HSD17B3: variants seen among roughly 807,000 people sequenced by gnomAD.
HSD17B3 encodes the protein 17-beta-hydroxysteroid dehydrogenase type 3.
A neutral mutation model predicts 41.1 loss-of-function variants in HSD17B3; 29 were observed. That is an observed-to-expected ratio of 0.71 (90% confidence interval 0.53 to 0.96). HSD17B3 has a LOEUF of 0.96. HSD17B3 is among the 40% of genes least tolerant of loss of function. HSD17B3 has a pLI of 0.00. For missense variants in HSD17B3, 323 were observed against 374.6 expected (o/e 0.86, Z 1.14); for synonymous variants, 126 against 145.6 (o/e 0.87, Z 0.97).
At chr9:96,268,171 G>A (rs956349049) in intron 2 of HSD17B3, among the ~76,000 whole-genome samples, 7 of 152,200 alleles carry the variant, frequency 4.6e-5, no homozygotes, top group Admixed American at 3.3e-4. Context: ...ATGATCCACT[G>A]GCCTTGGCCT....
At chr9:96,244,416 C>G in intron 8 of HSD17B3, 22 bp from the exon 9 acceptor site, 1 of 1,613,650 alleles carries the variant, frequency 6.2e-7, no homozygotes, top group South Asian at 1.1e-5. Flanking sequence ...AGGAGAGACA[C>G]CTGAGGCCCC....
intron 2 of HSD17B3, among the ~76,000 whole-genome samples, chr9:96,260,131 A>G (rs1825808553): frequency 6.6e-6 from 1 of 152,236 alleles, no homozygotes; most frequent in Non-Finnish European, 1.5e-5. Flanking sequence ...TATCAATTTA[A>G]GAACATTTAC....
Position 96,276,612 on chromosome 9 carries a change from G to A in HSD17B3, c.202-21669C>T, listed in dbSNP as rs186323758. ...CTGGATATAAATTCACACATCTACA[G>A]TCAACTGATTTTTAACAAAGGTGGC... On this transcript the variant is annotated intron_variant, in intron 2 of 10. Coordinates refer to ENST00000375263, the MANE Select transcript of HSD17B3 (RefSeq NM_000197.2). 2.9e-3 allele frequency among the ~76,000 whole-genome samples: 439 copies of A among 151,952 alleles called. 2 individuals are homozygous for A. The highest frequency in any genetic ancestry group is 4.9e-3 in the Non-Finnish European group (332 of 68,016).
intron 1 of HSD17B3, among the ~76,000 whole-genome samples, chr9:96,298,677 G>C (rs1425161745): frequency 6.7e-6 from 1 of 150,184 alleles, no homozygotes; most frequent in African/African-American, 2.5e-5. Flanking sequence ...TGGTTGGTTT[G>C]TTGGTTGGTT....
intron 10 of HSD17B3, 146 bp from the exon 11 acceptor site, chr9:96,235,716 G>C: frequency 2.7e-6 from 2 of 753,408 alleles, no homozygotes; most frequent in Non-Finnish European, 2.3e-6. Context: ...TAAGGGTCTT[G>C]TGACACTTTC....
intron 2 of HSD17B3, among the ~76,000 whole-genome samples, chr9:96,265,332 CT>C (rs1251812495): frequency 6.6e-6 from 1 of 152,216 alleles, no homozygotes; most frequent in African/African-American, 2.4e-5. Flanking sequence ...TCACTCAGAT[CT>C]TTTGTCTTCT....
chr9:96,279,960 G>A (rs1000636489), intron 2 of HSD17B3, among the ~76,000 whole-genome samples: 10 of 152,092 alleles, frequency 6.6e-5, no homozygotes, highest in Non-Finnish European at 8.8e-5. Context: ...CAGTAGAGGC[G>A]GGGTTTCACT....
intron 2 of HSD17B3, among the ~76,000 whole-genome samples, chr9:96,296,588 T>C (rs1008413620): frequency 6.6e-6 from 1 of 152,028 alleles, no homozygotes; most frequent in African/African-American, 2.4e-5. Flanking sequence ...CTCAAGAAAA[T>C]AGCTCCCAAA....
At chr9:96,249,586 A>G (rs1034232650) in intron 6 of HSD17B3, 165 bp downstream of exon 6, 1 of 667,964 alleles carries the variant, frequency 1.5e-6, no homozygotes, top group African/African-American at 1.8e-5. Context: ...TTTCTAGATG[A>G]AAAACAGAAC....
chr9:96,290,537 G>A (rs1827115915), intron 2 of HSD17B3, among the ~76,000 whole-genome samples: 1 of 141,152 alleles, frequency 7.1e-6, no homozygotes. Context: ...AACAGATGCA[G>A]TTATTAAAAA....
chr9:96,254,808 T>C (rs374819583), intron 3 of HSD17B3, 60 bp downstream of exon 3: 8 of 1,413,750 alleles, frequency 5.7e-6, no homozygotes, highest in East Asian at 2.3e-5. Flanking sequence ...ACTGGCATGG[T>C]GGGAGCAGGC....
intron 9 of HSD17B3, among the ~76,000 whole-genome samples, chr9:96,241,871 G>A (rs1325872786): frequency 6.6e-6 from 1 of 150,872 alleles, no homozygotes; most frequent in Non-Finnish European, 1.5e-5. Flanking sequence ...GAAGGCAGAG[G>A]TTACAGTGAG....
intron 2 of HSD17B3, among the ~76,000 whole-genome samples, chr9:96,271,601 A>C (rs1043566783): frequency 2.0e-5 from 3 of 152,166 alleles, no homozygotes; most frequent in African/African-American, 7.2e-5. Flanking sequence ...CAAAGCAGAT[A>C]TGTGTTATGA....
intron 2 of HSD17B3, among the ~76,000 whole-genome samples, chr9:96,282,163 T>C (rs936573289): frequency 5.9e-5 from 9 of 152,206 alleles, no homozygotes; most frequent in African/African-American, 2.2e-4. Context: ...ATGGCCGTGC[T>C]TTCTCTTTTC....
chr9:96,299,161 G>A (rs778308486), intron 1 of HSD17B3, among the ~76,000 whole-genome samples: 3 of 152,132 alleles, frequency 2.0e-5, no homozygotes, highest in African/African-American at 7.2e-5. Context: ...TCGTGAGAAC[G>A]TCACAATTTC....
chr9:96,276,795 A>G (rs540325019), intron 2 of HSD17B3, among the ~76,000 whole-genome samples: 1 of 152,358 alleles, frequency 6.6e-6, no homozygotes, highest in Non-Finnish European at 1.5e-5. Context: ...CTAAAGCCAT[A>G]AGATTATTAG....
At chr9:96,267,447 C>T (rs1485243135) in intron 2 of HSD17B3, among the ~76,000 whole-genome samples, 6 of 152,074 alleles carry the variant, frequency 3.9e-5, no homozygotes, top group African/African-American at 9.6e-5. Flanking sequence ...TGTGAGTCAC[C>T]GTGCCTGGCC....
At chr9:96,261,286 C>A (rs2130744458) in intron 2 of HSD17B3, among the ~76,000 whole-genome samples, 1 of 152,298 alleles carries the variant, frequency 6.6e-6, no homozygotes, top group African/African-American at 2.4e-5. Flanking sequence ...ACCTCAGCCT[C>A]CCAGGTTCAA....
chr9:96,238,971 G>T (rs1024102825), intron 10 of HSD17B3, among the ~76,000 whole-genome samples: 1 of 152,232 alleles, frequency 6.6e-6, no homozygotes, highest in Admixed American at 6.5e-5. Context: ...TGGTGCTGAT[G>T]TAGAGATAGC....
Sources: allele counts gnomAD v4.1 joint callset (sites outside exome capture counted in the v4.1 genomes callset), GRCh38; gene constraint gnomAD v4.1.1; transcripts MANE v1.5; gene names NCBI Gene and HGNC (gene_info 2026-07-23, HGNC 2026-07-21).